The following KLF8 variants were observed in gnomAD, a reference collection of about 807,000 sequenced individuals.
The protein encoded by KLF8 is KLF transcription factor 8, also known as Krueppel-like factor 8.
Under a neutral mutation model 18.2 loss-of-function variants are expected in KLF8, and 10 were observed. The observed-to-expected ratio is 0.55, with a 90% CI of 0.34 to 0.93. The LOEUF (loss-of-function observed/expected upper bound fraction) is 0.93, where lower values mean the gene tolerates loss of function less well. KLF8 is among the 40% of genes least tolerant of loss of function. The probability of loss-of-function intolerance (pLI) is 0.02; values close to 1 mark genes in which losing one functional copy is unlikely to be tolerated. For synonymous variants in KLF8, 109 were observed against 97.3 expected (o/e 1.12, Z -0.71); for missense variants, 264 against 277.9 (o/e 0.95, Z 0.36).
At chrX:56,187,293 A>C in the KLF8 span, among the ~76,000 whole-genome samples, 24 of 111,628 alleles carry the variant, frequency 2.1e-4, no homozygotes, top group Admixed American at 1.9e-4. Context: ...TAAATTCCTC[A>C]ACACATACAC....
the KLF8 span, among the ~76,000 whole-genome samples, chrX:56,002,530 G>A: frequency 9.0e-6 from 1 of 110,570 alleles, no homozygotes; most frequent in East Asian, 2.8e-4. Context: ...ATTCATTGAA[G>A]TATCCAACAT....
chrX:56,183,157 G>A, the KLF8 span, among the ~76,000 whole-genome samples: 4 of 111,968 alleles, frequency 3.6e-5, no homozygotes, highest in Non-Finnish European at 7.5e-5. Context: ...ACCTACTCAA[G>A]CCTCAGCAAT....
intron 1 of KLF8, among the ~76,000 whole-genome samples, chrX:56,241,252 C>T (rs1160167760): frequency 1.8e-5 from 2 of 111,649 alleles, no homozygotes; most frequent in African/African-American, 6.5e-5. Flanking sequence ...ACTGCAACTT[C>T]CACCTCCTGA....
At chrX:55,931,896 A>C in the KLF8 span, among the ~76,000 whole-genome samples, 3 of 107,407 alleles carry the variant, frequency 2.8e-5, no homozygotes, top group Non-Finnish European at 5.8e-5. Flanking sequence ...TTTTTTCCAC[A>C]GCTGAGTTCT....
the KLF8 span, among the ~76,000 whole-genome samples, chrX:56,098,729 A>G: frequency 2.7e-5 from 3 of 111,553 alleles, no homozygotes; most frequent in Non-Finnish European, 5.7e-5. Context: ...TGGAAGTCGT[A>G]GCCAGAGGAA....
chrX:56,261,802 C>T (rs1014495571), intron 2 of KLF8, among the ~76,000 whole-genome samples: 3 of 111,424 alleles, frequency 2.7e-5, no homozygotes, highest in Non-Finnish European at 5.7e-5. Context: ...AAAGAATCCT[C>T]AGTGCACACA....
At chrX:56,089,153 C>T in the KLF8 span, among the ~76,000 whole-genome samples, 1 of 111,508 alleles carries the variant, frequency 9.0e-6, no homozygotes, top group Non-Finnish European at 1.9e-5. Context: ...AATAGTAACA[C>T]TTTACTCTTA....
At chrX:56,193,496 A>G in the KLF8 span, among the ~76,000 whole-genome samples, 1 of 112,252 alleles carries the variant, frequency 8.9e-6, no homozygotes, top group African/African-American at 3.2e-5. Flanking sequence ...GGAAAGCATT[A>G]TATCTAAGAG....
the KLF8 span, among the ~76,000 whole-genome samples, chrX:56,225,414 T>C: frequency 6.0e-4 from 66 of 110,370 alleles, no homozygotes; most frequent in Non-Finnish European, 1.2e-3. Context: ...AACTAATAGG[T>C]GGTAAGGGGG....
At chrX:55,908,935 G>A in the KLF8 span, 2 of 121,453 alleles carry the variant, frequency 1.6e-5, no homozygotes, top group African/African-American at 6.4e-5. Context: ...TGGTAAGAAG[G>A]GGAGGGGAAG....
At chrX:56,024,552 CT>C in the KLF8 span, among the ~76,000 whole-genome samples, 1 of 111,290 alleles carries the variant, frequency 9.0e-6, no homozygotes, top group Non-Finnish European at 1.9e-5. Context: ...AGACTAATGT[CT>C]CAAAATCCGA....
intron 4 of KLF8, 69 bp from the exon 5 acceptor site, chrX:56,270,113 A>C: frequency 9.7e-7 from 1 of 1,031,470 alleles, no homozygotes; most frequent in Middle Eastern, 2.6e-4. Flanking sequence ...GCACCAATGA[A>C]TGTAAATTCA....
chrX:56,183,508 A>G, the KLF8 span, among the ~76,000 whole-genome samples: 2 of 111,444 alleles, frequency 1.8e-5, no homozygotes, highest in African/African-American at 6.5e-5. Flanking sequence ...AACCTGTACC[A>G]CAGTTGGAAA....
At chrX:56,079,335 T>C in the KLF8 span, among the ~76,000 whole-genome samples, 1 of 111,208 alleles carries the variant, frequency 9.0e-6, no homozygotes, top group Non-Finnish European at 1.9e-5. Context: ...GATTCTGGTA[T>C]GTTGTGTCTT....
the KLF8 span, among the ~76,000 whole-genome samples, chrX:55,936,552 C>T: frequency 2.7e-5 from 3 of 112,540 alleles, no homozygotes; most frequent in African/African-American, 3.2e-5. Flanking sequence ...TGCAGTGCAC[C>T]GTGTGTGAGC....
At chrX:55,963,981 T>C in the KLF8 span, among the ~76,000 whole-genome samples, 1 of 111,585 alleles carries the variant, frequency 9.0e-6, no homozygotes, top group Non-Finnish European at 1.9e-5. Flanking sequence ...CTCTCAAAAC[T>C]CATAAAATTA....
In KLF8 at chrX:56,266,324, C is replaced by T. The variant is rs767565929; in HGVS notation, c.646+580C>T. The T allele has an allele frequency of 5.3e-6, 4 of 750,285 alleles. No individual in the cohort carries two copies. The South Asian group carries it at 2.1e-4, about 38-fold the overall frequency. 61.8% of individuals were successfully genotyped at this position (750,285 alleles called of 1,213,427 possible). ...TATTGTCATCTTCCCTGTGTTCTTC[C>T]TCATTTGGCATCTATCACTTTCCAT... On this transcript the variant is annotated intron_variant, in intron 3 of 5. Coordinates refer to ENST00000468660, the MANE Select transcript of KLF8 (RefSeq NM_007250.5).
chrX:55,951,652 G>C, the KLF8 span, among the ~76,000 whole-genome samples: 1 of 110,162 alleles, frequency 9.1e-6, no homozygotes, highest in East Asian at 2.8e-4. Context: ...GAAGTTCCAA[G>C]TCTTGGTGGC....
At chrX:56,119,415 A>AT in the KLF8 span, among the ~76,000 whole-genome samples, 1 of 110,352 alleles carries the variant, frequency 9.1e-6, no homozygotes, top group Non-Finnish European at 1.9e-5. Context: ...GCTTATTATT[A>AT]TTTTTTGAGA....
Sources: gnomAD v4.1 joint callset for allele counts (sites outside exome capture counted in the v4.1 genomes callset) on GRCh38, gnomAD v4.1.1 for gene constraint, MANE v1.5 for transcripts, NCBI Gene and HGNC (gene_info 2026-07-23, HGNC 2026-07-21) for gene names.